Variants in NRXN1 observed in about 807,000 individuals in gnomAD.
The protein encoded by NRXN1 is neurexin 1.
A neutral mutation model predicts 150.9 loss-of-function variants in NRXN1; 39 were observed. That is an observed-to-expected ratio of 0.26 (90% CI 0.20 to 0.34). The LOEUF is 0.34. NRXN1 is among the 10% of genes least tolerant of loss of function. The pLI is 1.00. For synonymous variants in NRXN1, 924 were observed against 757.0 expected, an observed-to-expected ratio of 1.22 and a Z score of -3.62; for missense variants, 1,815 against 1,949.9, an observed-to-expected ratio of 0.93 and a Z score of 1.30.
chr2:50,254,951 C>G (rs562077373), intron 17 of NRXN1, among the ~76,000 whole-genome samples: 2 of 151,972 alleles, frequency 1.3e-5, no homozygotes, highest in African/African-American at 4.8e-5. Context: ...GGTCTACAGG[C>G]GCACACTACC....
At chr2:50,851,577 A>G (rs909367882) in intron 5 of NRXN1, among the ~76,000 whole-genome samples, 7 of 152,116 alleles carry the variant, frequency 4.6e-5, no homozygotes, top group Admixed American at 1.3e-4. Flanking sequence ...ACTCCTGTAC[A>G]TCAGGATACA....
chr2:50,607,395 CTT>C (rs968454140), intron 8 of NRXN1, among the ~76,000 whole-genome samples: 9 of 152,092 alleles, frequency 5.9e-5, no homozygotes, highest in African/African-American at 1.7e-4. Flanking sequence ...CTAAGGGACT[CTT>C]TACAAAATTC....
chr2:50,217,012 A>T (rs1358575110), intron 18 of NRXN1, among the ~76,000 whole-genome samples: 3 of 152,112 alleles, frequency 2.0e-5, no homozygotes, highest in African/African-American at 7.2e-5. Flanking sequence ...TAATACTTTC[A>T]AGGGTCAAAA....
At chr2:50,029,631 G>A (rs147189481) in intron 21 of NRXN1, among the ~76,000 whole-genome samples, 195 of 152,184 alleles carry the variant, frequency 1.3e-3, no homozygotes, top group Non-Finnish European at 1.5e-3. Flanking sequence ...AAGAGGTCTC[G>A]AAATGAAACC....
At position 50,374,042 on chromosome 2, in the gene NRXN1, A is replaced by G. The variant is rs559208032; in HGVS notation, c.3364+91400T>C. On this transcript the variant is annotated intron_variant, in intron 17 of 22. Coordinates refer to ENST00000401669, the MANE Select transcript of NRXN1 (RefSeq NM_001330078.2). ...AGGCTGGGTGTGGGCTCACACTTGT[A>G]ATCTCAGCATTTTGGGAGGCCGAGG... 1.5e-4 allele frequency among the ~76,000 whole-genome samples: 22 copies of G among 150,762 alleles called. 1 individual carries two copies. The South Asian group carries it at 4.6e-3, about 32-fold the overall frequency.
rs755612660 is a variant in NRXN1, at chr2:50,552,567, T to A, written c.1759+20A>T. ...GGGGTGCTCCAGCAGATAAACAGCA[T>A]AGAAAAATGATAAGATTACCTGACC... is the stretch of plus-strand genomic sequence containing the variant. On this transcript the variant is annotated intron_variant, in intron 9 of 22. Coordinates refer to ENST00000401669, the MANE Select transcript of NRXN1 (RefSeq NM_001330078.2). The A allele has an allele frequency of 5.0e-6, 8 of 1,590,074 alleles. No homozygotes were observed. The Admixed American group carries it at 1.2e-4, about 23-fold the overall frequency.
chr2:50,115,199 A>G (rs2152729383), intron 18 of NRXN1, among the ~76,000 whole-genome samples: 1 of 139,380 alleles, frequency 7.2e-6, no homozygotes, highest in African/African-American at 2.6e-5. Context: ...CTTACAAAAA[A>G]ACATATATAT....
chr2:50,236,563 A>T (rs1618655), intron 18 of NRXN1, among the ~76,000 whole-genome samples: 1 of 144,598 alleles, frequency 6.9e-6, no homozygotes, highest in Non-Finnish European at 1.5e-5. Flanking sequence ...CAGAATTAAG[A>T]GGAATTCACA....
At chr2:51,022,198 C>T (rs149674209) in intron 2 of NRXN1, among the ~76,000 whole-genome samples, 6 of 152,062 alleles carry the variant, frequency 3.9e-5, no homozygotes, top group African/African-American at 1.2e-4. Flanking sequence ...AAAAGTAACA[C>T]GTGGACACTT....
rs143591137 is a variant in NRXN1, at chr2:50,034,605, C to T, written c.4128+18666G>A. Among the ~76,000 whole-genome samples the T allele has an allele frequency of 6.3e-4, 96 of 151,970 alleles. 1 individual carries two copies. The East Asian group carries it at 0.016, about 25-fold the overall frequency. On this transcript the variant is annotated intron_variant, in intron 21 of 22. Coordinates refer to ENST00000401669, the MANE Select transcript of NRXN1 (RefSeq NM_001330078.2). ...AACCAACCCCCATGACACAAGTTTACCTATATAACAAACCTGCACATGTAC... is the reference window on the plus strand; with the variant it reads ...AACCAACCCCCATGACACAAGTTTATCTATATAACAAACCTGCACATGTAC...
intron 2 of NRXN1, among the ~76,000 whole-genome samples, chr2:50,965,414 A>T (rs1289623065): frequency 6.6e-6 from 1 of 151,350 alleles, no homozygotes; most frequent in Non-Finnish European, 1.5e-5. Context: ...TCAAGCATGG[A>T]GGAAAAAAAA....
chr2:50,016,314 C>T (rs1021255817), intron 21 of NRXN1, among the ~76,000 whole-genome samples: 1 of 151,982 alleles, frequency 6.6e-6, no homozygotes, highest in Admixed American at 6.6e-5. Context: ...CCTTTCTTTG[C>T]GTTTAGTCAA....
chr2:50,380,212 T>G (rs1488634723), intron 17 of NRXN1, among the ~76,000 whole-genome samples: 1 of 151,924 alleles, frequency 6.6e-6, no homozygotes, highest in African/African-American at 2.4e-5. Flanking sequence ...CTAGAGAAGT[T>G]TGGGTACTGT....
At chr2:50,656,022 T>A (rs1279695087) in intron 5 of NRXN1, among the ~76,000 whole-genome samples, 1 of 151,978 alleles carries the variant, frequency 6.6e-6, no homozygotes, top group Non-Finnish European at 1.5e-5. Context: ...GTAAAATCAT[T>A]ACAAATCTGT....
intron 17 of NRXN1, among the ~76,000 whole-genome samples, chr2:50,379,505 G>A (rs909389660): frequency 5.9e-5 from 9 of 152,018 alleles, no homozygotes; most frequent in Non-Finnish European, 1.0e-4. Context: ...AGAGCACCAT[G>A]GCTATAAAAC....
At chr2:50,956,791 T>G (rs763988080) in intron 2 of NRXN1, among the ~76,000 whole-genome samples, 16 of 152,018 alleles carry the variant, frequency 1.1e-4, no homozygotes, top group Admixed American at 2.0e-4. Flanking sequence ...TAGAGCTTAA[T>G]CATTATTTCG....
At chr2:50,680,377 G>A (rs1361482331) in intron 5 of NRXN1, among the ~76,000 whole-genome samples, 3 of 151,900 alleles carry the variant, frequency 2.0e-5, no homozygotes, top group Non-Finnish European at 4.4e-5. Flanking sequence ...GTTCTTATGT[G>A]ACTTAGCTTT....
At chr2:50,799,736 C>A (rs1707328675) in intron 5 of NRXN1, among the ~76,000 whole-genome samples, 1 of 152,068 alleles carries the variant, frequency 6.6e-6, no homozygotes, top group Non-Finnish European at 1.5e-5. Context: ...TTAGTCTAGG[C>A]CAAGCTATGA....
intron 2 of NRXN1, among the ~76,000 whole-genome samples, chr2:50,960,717 C>A (rs1463661372): frequency 6.6e-6 from 1 of 151,922 alleles, no homozygotes; most frequent in African/African-American, 2.4e-5. Flanking sequence ...TATTTACACT[C>A]TGCCTCTGGG....
Sources: allele counts gnomAD v4.1 joint callset (sites outside exome capture counted in the v4.1 genomes callset), GRCh38; gene constraint gnomAD v4.1.1; transcripts MANE v1.5; gene names NCBI Gene and HGNC (gene_info 2026-07-23, HGNC 2026-07-21).